Variants in ASCC3 observed in about 807,000 individuals in gnomAD.
ASCC3 encodes activating signal cointegrator 1 complex subunit 3, also known as ASC-1 complex subunit P200.
A neutral mutation model predicts 256.3 loss-of-function variants in ASCC3; 158 were observed. That is an observed-to-expected ratio of 0.62 (90% CI 0.54 to 0.70). The LOEUF (loss-of-function observed/expected upper bound fraction) is 0.70. ASCC3 is among the 30% of genes least tolerant of loss of function. The pLI is 0.00. For missense variants in ASCC3, 2,259 were observed against 2,626.0 expected, an observed-to-expected ratio of 0.86 and a Z score of 3.05; for synonymous variants, 948 against 883.4, an observed-to-expected ratio of 1.07 and a Z score of -1.30.
chr6:100,532,844 A>T (rs1316059726), intron 37 of ASCC3, among the ~76,000 whole-genome samples: 2 of 152,206 alleles, frequency 1.3e-5, no homozygotes, highest in African/African-American at 4.8e-5. Context: ...GAAAATTTAT[A>T]TTCAGGCTAC....
chr6:100,551,818 T>C (rs1011034000), intron 36 of ASCC3, among the ~76,000 whole-genome samples: 13 of 152,036 alleles, frequency 8.6e-5, no homozygotes, highest in African/African-American at 2.9e-4. Context: ...TGACAGTTCT[T>C]CTTTTTCTGC....
chr6:100,753,497 C>CT (rs67034154), intron 10 of ASCC3, among the ~76,000 whole-genome samples: 6 of 75,986 alleles, frequency 7.9e-5, no homozygotes, highest in South Asian at 5.5e-4. Flanking sequence ...AACAGGTGCC[C>CT]TTTTTTTTTT....
chr6:100,727,097 TA>T (rs773463003), intron 10 of ASCC3, among the ~76,000 whole-genome samples: 1 of 152,126 alleles, frequency 6.6e-6, no homozygotes, highest in Non-Finnish European at 1.5e-5. Flanking sequence ...TACAGCTGTA[TA>T]TAGTAAAATT....
intron 13 of ASCC3, among the ~76,000 whole-genome samples, chr6:100,687,034 T>TCACACACACACACACACACA (rs71028030): frequency 5.4e-5 from 7 of 130,556 alleles, no homozygotes; most frequent in African/African-American, 8.7e-5. Context: ...TCTCTCTCTC[T>TCACACACACACACACACACA]CACACACACA....
intron 30 of ASCC3, among the ~76,000 whole-genome samples, chr6:100,615,945 T>C (rs1364307986): frequency 6.6e-6 from 1 of 152,224 alleles, no homozygotes; most frequent in Non-Finnish European, 1.5e-5. Context: ...GGTGGGAATT[T>C]TGTACCATGA....
intron 33 of ASCC3, among the ~76,000 whole-genome samples, chr6:100,605,366 T>A (rs1020669070): frequency 1.3e-5 from 2 of 152,184 alleles, no homozygotes; most frequent in South Asian, 2.1e-4. Context: ...AACACTGTAC[T>A]ATACTGCTTA....
At chr6:100,721,822 C>T (rs2115031739) in intron 11 of ASCC3, among the ~76,000 whole-genome samples, 1 of 151,494 alleles carries the variant, frequency 6.6e-6, no homozygotes, top group East Asian at 1.9e-4. Context: ...TGCTATCTCC[C>T]ACTTTTTAGT....
chr6:100,845,747 C>T (rs1772350896), intron 4 of ASCC3, among the ~76,000 whole-genome samples: 2 of 151,960 alleles, frequency 1.3e-5, no homozygotes, highest in Admixed American at 6.6e-5. Flanking sequence ...ACTTTTTATT[C>T]CCATGTTTCT....
chr6:100,642,876 T>C, intron 23 of ASCC3, 127 bp from the exon 24 acceptor site: 1 of 936,568 alleles, frequency 1.1e-6, no homozygotes. Context: ...AATTTGTAAA[T>C]AGCTGAGATA....
At chr6:100,751,189 T>C (rs1256287941) in intron 10 of ASCC3, among the ~76,000 whole-genome samples, 2 of 152,088 alleles carry the variant, frequency 1.3e-5, no homozygotes, top group Non-Finnish European at 2.9e-5. Context: ...TTCATATGGC[T>C]GAGAAATATT....
intron 36 of ASCC3, among the ~76,000 whole-genome samples, chr6:100,578,471 A>G (rs1379101825): frequency 6.6e-6 from 1 of 152,000 alleles, no homozygotes; most frequent in Admixed American, 6.6e-5. Flanking sequence ...CTTCGTGTCC[A>G]TGTATTCTCA....
intron 4 of ASCC3, among the ~76,000 whole-genome samples, chr6:100,829,284 G>A (rs375757107): frequency 6.6e-6 from 1 of 152,102 alleles, no homozygotes; most frequent in African/African-American, 2.4e-5. Flanking sequence ...AGCAGGGGGC[G>A]GCGCTCATGG....
At chr6:100,659,743 T>G (rs186176200) in intron 16 of ASCC3, among the ~76,000 whole-genome samples, 69 of 151,652 alleles carry the variant, frequency 4.5e-4, no homozygotes, top group Middle Eastern at 3.4e-3. Context: ...TTGTGTTTAT[T>G]TTACCAATTA....
At chr6:100,637,884 G>C (rs1774922690) in intron 25 of ASCC3, among the ~76,000 whole-genome samples, 1 of 152,160 alleles carries the variant, frequency 6.6e-6, no homozygotes. Flanking sequence ...CAAAGAAAAG[G>C]TGTTTCTTGC....
At chr6:100,800,960 G>A (rs1769888006) in intron 5 of ASCC3, among the ~76,000 whole-genome samples, 1 of 151,888 alleles carries the variant, frequency 6.6e-6, no homozygotes, top group African/African-American at 2.4e-5. Flanking sequence ...TTGCACATAT[G>A]TTACTACTTA....
intron 37 of ASCC3, among the ~76,000 whole-genome samples, chr6:100,537,760 A>T (rs1232407006): frequency 6.6e-6 from 1 of 151,838 alleles, no homozygotes; most frequent in Non-Finnish European, 1.5e-5. Context: ...GCTTTTCCAA[A>T]TTATCTACAA....
At chr6:100,689,142 AT>A (rs1290799423) in intron 13 of ASCC3, among the ~76,000 whole-genome samples, 1 of 152,118 alleles carries the variant, frequency 6.6e-6, no homozygotes, top group African/African-American at 2.4e-5. Context: ...TCCTTCTCCA[AT>A]CTCGCCAGGG....
chr6:100,606,987 T>C lies in ASCC3; in HGVS notation c.4887A>G (p.Lys1629=). The change falls in exon 31 of 42, where the codon AAA becomes AAG. Residue 1629 remains lysine, a synonymous_variant. Transcript: ENST00000369162. ...HHAGLHERDR[K]TVEELFVNCK... ...AGTTTACAAATAGTTCCTCTACTGT[T>C]TTTCGGTCCCTCTCATGTAGTCCAG... is the stretch of plus-strand genomic sequence containing the variant. 6.2e-7 allele frequency: 1 copy of C among 1,613,712 alleles called. No homozygotes were observed. Among genetic ancestry groups the C allele is most frequent in the Non-Finnish European group, 8.5e-7 (1 of 1,179,796 alleles).
chr6:100,622,590 C>T (rs954154813), intron 30 of ASCC3, among the ~76,000 whole-genome samples: 2 of 151,706 alleles, frequency 1.3e-5, no homozygotes, highest in South Asian at 2.1e-4. Context: ...CAAACCTGCA[C>T]ATCCTGTTTA....
Sources: allele counts gnomAD v4.1 joint callset (sites outside exome capture counted in the v4.1 genomes callset), GRCh38; gene constraint gnomAD v4.1.1; transcripts MANE v1.5; gene names NCBI Gene and HGNC (gene_info 2026-07-23, HGNC 2026-07-21).